The following MAP7D2 variants were observed in gnomAD, a reference collection of about 807,000 sequenced individuals.
MAP7D2 encodes the protein MAP7 domain-containing protein 2.
MAP7D2 carries 33 observed loss-of-function variants against 63.5 expected under a neutral mutation model. The observed-to-expected ratio is 0.52, with a 90% confidence interval of 0.39 to 0.70. MAP7D2 has a LOEUF of 0.70. MAP7D2 is among the 30% of genes least tolerant of loss of function. The pLI is 0.00. For synonymous variants in MAP7D2, 224 were observed against 223.7 expected (o/e 1.00, Z -0.01); for missense variants, 626 against 604.0 (o/e 1.04, Z -0.38).
chrX:20,093,554 G>A (rs1199315426), intron 1 of MAP7D2, among the ~76,000 whole-genome samples: 1 of 111,296 alleles, frequency 9.0e-6, no homozygotes, highest in Non-Finnish European at 1.9e-5. Flanking sequence ...CTACTCAGGA[G>A]GCTGAGGCAG....
At position 20,116,758 on chromosome X, in the gene MAP7D2, C is replaced by T. The variant is rs1169862763; in HGVS notation, c.122G>A (p.Arg41Gln). ...CACTCTGGGGATAATACCTTGAGGC[C>T]GGTAGTTGGGCTGAGAGGTCCGCAC... is the stretch of plus-strand genomic sequence containing the variant. ...GAVRTSQPNY[R>Q]PQGMEGFLKS... is the part of the protein sequence containing the mutation. Residue 41 changes from arginine to glutamine, a missense_variant, in exon 1 of 17, where the codon CGG (arginine) becomes CAG (glutamine). By Grantham distance (43) the Arg-to-Gln change is conservative. Coordinates refer to ENST00000379643, the MANE Select transcript of MAP7D2 (RefSeq NM_001168465.2). The T allele has an allele frequency of 1.7e-6, 2 of 1,180,570 alleles. No individual in the cohort carries two copies. The highest frequency in any genetic ancestry group is 2.3e-6 in the Non-Finnish European group (2 of 880,997).
At chrX:20,063,378 G>A (rs1218367122) in intron 3 of MAP7D2, 36 bp downstream of exon 3, 25 of 1,197,679 alleles carry the variant, frequency 2.1e-5, no homozygotes, top group Non-Finnish European at 2.6e-5. Flanking sequence ...CTGCTGAGGG[G>A]GCTGGAAGGT....
intron 12 of MAP7D2, among the ~76,000 whole-genome samples, chrX:20,014,199 T>G (rs1353530941): frequency 8.9e-6 from 1 of 112,967 alleles, no homozygotes; most frequent in Non-Finnish European, 1.9e-5. Context: ...CTATATGCTC[T>G]TTACTTATAA....
intron 1 of MAP7D2, among the ~76,000 whole-genome samples, chrX:20,077,626 G>C (rs1004109420): frequency 8.9e-6 from 1 of 111,891 alleles, no homozygotes; most frequent in African/African-American, 3.2e-5. Flanking sequence ...AACAAATCCA[G>C]CTATTCTGCG....
chrX:20,098,445 T>C (rs866616479), intron 1 of MAP7D2, among the ~76,000 whole-genome samples: 1 of 111,544 alleles, frequency 9.0e-6, no homozygotes, highest in Non-Finnish European at 1.9e-5. Flanking sequence ...ACCAGGAGGG[T>C]TTAAACAACT....
chrX:20,065,722 A>T (rs2065340968), intron 1 of MAP7D2, among the ~76,000 whole-genome samples: 1 of 111,837 alleles, frequency 8.9e-6, no homozygotes, highest in Non-Finnish European at 1.9e-5. Context: ...GGAACAAATG[A>T]CAACTTCCCC....
intron 1 of MAP7D2, among the ~76,000 whole-genome samples, chrX:20,110,617 C>T (rs769776286): frequency 4.0e-5 from 4 of 100,265 alleles, no homozygotes; most frequent in Non-Finnish European, 6.0e-5. Context: ...GAGCTGAGAT[C>T]GTGCCACTGT....
intron 1 of MAP7D2, among the ~76,000 whole-genome samples, chrX:20,109,137 G>A (rs1329687686): frequency 2.8e-5 from 3 of 108,284 alleles, no homozygotes; most frequent in Non-Finnish European, 5.7e-5. Flanking sequence ...TAGATCCTCA[G>A]AGGGGTATAG....
chrX:20,061,106 A>AC (rs1379944435), intron 3 of MAP7D2, among the ~76,000 whole-genome samples: 2 of 91,933 alleles, frequency 2.2e-5, no homozygotes, highest in Admixed American at 2.3e-4. Flanking sequence ...GCTGACAGAG[A>AC]CAGAACATGA....
rs2073029210 is a variant in MAP7D2, at chrX:20,006,828, T to C, written c.*1597A>G. 4 of 111,654 alleles carry C rather than the reference T, an allele frequency of 3.6e-5. No individual in the cohort carries two copies. In the Admixed American group the frequency reaches 3.8e-4, roughly 11 times the overall value. The allele number at this position is 111,654 out of a possible 1,213,427, so 9.2% of individuals were successfully genotyped here. A position where few individuals can be genotyped will look rare whatever the true frequency, so the allele number is the denominator to read the frequency against. On this transcript the variant is annotated 3_prime_UTR_variant, in exon 17 of 17. Coordinates refer to ENST00000379643, the MANE Select transcript of MAP7D2 (RefSeq NM_001168465.2). Reference sequence around the variant, plus strand: ...AAAAGCCTGGTTTGGTTTCAGCACATTGAGCTTACAGAAAAAATAAAACGC... The same window carrying C: ...AAAAGCCTGGTTTGGTTTCAGCACACTGAGCTTACAGAAAAAATAAAACGC...
At chrX:20,037,907 G>GC (rs1355142448) in intron 8 of MAP7D2, among the ~76,000 whole-genome samples, 1 of 111,721 alleles carries the variant, frequency 9.0e-6, no homozygotes, top group Non-Finnish European at 1.9e-5. Context: ...ACACCACTCA[G>GC]CCTCTTTCCC....
Position 20,013,130 on chromosome X carries a change from T to C in MAP7D2, c.1809A>G (p.Lys603=). 1 of 1,202,175 alleles carries C rather than the reference T, an allele frequency of 8.3e-7. No homozygotes were observed. Among genetic ancestry groups the C allele is most frequent in the Non-Finnish European group, 1.1e-6 (1 of 888,070 alleles). The change falls in exon 14 of 17, where the codon AAA becomes AAG. Residue 603 remains lysine (K), a splice_region_variant and synonymous_variant. Transcript: ENST00000379643. ...GCTGGACCCCCACTTTGGGGTCTTC[T>C]TTCTGAAAACAAATGGAAGGTGAAT... ...RKSDVSPQVK[K]EDPKVGVQPA...
intron 1 of MAP7D2, among the ~76,000 whole-genome samples, chrX:20,085,903 G>T (rs971047224): frequency 1.8e-5 from 2 of 110,859 alleles, no homozygotes; most frequent in Non-Finnish European, 3.8e-5. Context: ...GTAGACATGG[G>T]GTTTCACCAT....
At chrX:20,058,300 G>C (rs1569095192) in intron 3 of MAP7D2, among the ~76,000 whole-genome samples, 1 of 112,491 alleles carries the variant, frequency 8.9e-6, no homozygotes, top group African/African-American at 3.2e-5. Flanking sequence ...GGGCTGAATA[G>C]TATTTCATTA....
rs1207978484 is a variant in MAP7D2 at position 20,095,071 on chromosome X, TA to T, written c.130+21678del. On this transcript the variant is annotated intron_variant, in intron 1 of 16. Coordinates refer to ENST00000379643, the MANE Select transcript of MAP7D2 (RefSeq NM_001168465.2). ...CTGGGCAACAGAGTGAGACTCTGTC[TA>T]AAAAAAAAAAAAATCAGTGACTAGT... Among the ~76,000 whole-genome samples, 140 of 97,207 alleles carry T rather than the reference TA, an allele frequency of 1.4e-3. 1 individual carries two copies. The highest frequency in any genetic ancestry group is 1.4e-3 in the Admixed American group (12 of 8,865). 84.4% of individuals were successfully genotyped at this position (97,207 alleles called of 115,157 possible).
rs747585844 is a variant in MAP7D2 at position 20,116,643 on chromosome X, C to T, written c.130+107G>A. 3 of 1,031,412 alleles carry T rather than the reference C, an allele frequency of 2.9e-6. No homozygotes were observed. The African/African-American group carries it at 6.0e-5, about 21-fold the overall frequency. The allele number at this position is 1,031,412 out of a possible 1,213,427, so 85.0% of individuals were successfully genotyped here. On this transcript the variant is annotated intron_variant, in intron 1 of 16. Transcript: ENST00000379643. The stretch of plus-strand genomic sequence containing the variant: ...AAGGGCGTTTATCTCAGCTCTGCGC[C>T]GTGCCCCTTCCCCCCACGCTCGAGG...
At chrX:20,065,091 G>C (rs1434911674) in intron 1 of MAP7D2, among the ~76,000 whole-genome samples, 2 of 111,192 alleles carry the variant, frequency 1.8e-5, no homozygotes, top group Non-Finnish European at 1.9e-5. Flanking sequence ...AGGCAGACAA[G>C]GGGTCAGAAA....
At chrX:20,024,489 T>A (rs760683887) in intron 10 of MAP7D2, among the ~76,000 whole-genome samples, 28 of 112,386 alleles carry the variant, frequency 2.5e-4, no homozygotes, top group Middle Eastern at 4.6e-3. Flanking sequence ...GGGACACTGC[T>A]CAACCCTCCC....
At position 20,025,893 on chromosome X, in the gene MAP7D2, G is replaced by T. The variant is rs2073826082; in HGVS notation, c.1067C>A (p.Ser356Tyr). 2 of 1,211,602 alleles carry T rather than the reference G, an allele frequency of 1.7e-6. No homozygotes were observed. Among genetic ancestry groups the T allele is most frequent in the Non-Finnish European group, 2.2e-6 (2 of 895,383 alleles). The change falls in exon 9 of 17, where the codon TCT becomes TAT. Residue 356 changes from serine to tyrosine, a missense_variant. By Grantham distance (144) the Ser-to-Tyr change is moderately radical (BLOSUM62 -2). Coordinates refer to ENST00000379643, the MANE Select transcript of MAP7D2 (RefSeq NM_001168465.2). Reference protein sequence around the residue: ...PKTTKPPYPGSPVKYRLPALS... With the variant: ...PKTTKPPYPGYPVKYRLPALS... ...GGCAGGTAAGCGGTACTTCACAGGAGACCCTGGGTAGGGAGGTTTCGTTGT... is the reference window on the plus strand; with the variant it reads ...GGCAGGTAAGCGGTACTTCACAGGATACCCTGGGTAGGGAGGTTTCGTTGT...
Sources: allele counts gnomAD v4.1 joint callset (sites outside exome capture counted in the v4.1 genomes callset), GRCh38; gene constraint gnomAD v4.1.1; transcripts MANE v1.5; gene names NCBI Gene and HGNC (gene_info 2026-07-23, HGNC 2026-07-21).